The following KCNN3 variants were observed in gnomAD, a reference collection of about 807,000 sequenced individuals.
KCNN3 encodes the protein small conductance calcium-activated potassium channel protein 3.
In KCNN3, 16 loss-of-function variants were observed where a neutral mutation model predicts 62.9. The ratio of observed to expected loss-of-function variants is 0.25; its 90% CI spans 0.17 to 0.39. The LOEUF (loss-of-function observed/expected upper bound fraction) is 0.39. Among genes scored for constraint, KCNN3 ranks in the 10% least tolerant of loss-of-function variants. KCNN3 has a pLI of 1.00. For missense variants in KCNN3, 599 were observed against 949.4 expected (o/e 0.63, Z 4.85); for synonymous variants, 370 against 389.2 (o/e 0.95, Z 0.58).
At chr1:154,785,582 T>C (rs865888078) in intron 2 of KCNN3, among the ~76,000 whole-genome samples, 5,313 of 141,386 alleles carry the variant, frequency 0.038, 146 homozygotes, top group African/African-American at 0.059. Context: ...CTTTTTTTTT[T>C]TTTTTTTTTT....
At chr1:154,863,664 T>A (rs1291518446) in intron 1 of KCNN3, among the ~76,000 whole-genome samples, 2 of 152,212 alleles carry the variant, frequency 1.3e-5, no homozygotes, top group Non-Finnish European at 2.9e-5. Context: ...TACCTTATAT[T>A]TTTTTAAAGC....
intron 5 of KCNN3, among the ~76,000 whole-genome samples, chr1:154,723,114 C>A (rs1328980474): frequency 6.6e-6 from 1 of 152,172 alleles, no homozygotes; most frequent in Non-Finnish European, 1.5e-5. Context: ...CAGGCATCCC[C>A]AGGGGAAGAG....
intron 3 of KCNN3, among the ~76,000 whole-genome samples, chr1:154,734,531 A>G (rs1337404637): frequency 6.6e-6 from 1 of 152,216 alleles, no homozygotes; most frequent in African/African-American, 2.4e-5. Flanking sequence ...ATGCCCCCAC[A>G]GGGTCTGTGC....
chr1:154,803,503 T>C (rs1452992198), intron 2 of KCNN3, among the ~76,000 whole-genome samples: 1 of 152,242 alleles, frequency 6.6e-6, no homozygotes, highest in Non-Finnish European at 1.5e-5. Flanking sequence ...TTGAGACAGT[T>C]GTTTTTCTTC....
intron 3 of KCNN3, among the ~76,000 whole-genome samples, chr1:154,769,956 T>C (rs991105590): frequency 2.6e-5 from 4 of 152,230 alleles, no homozygotes; most frequent in African/African-American, 9.6e-5. Flanking sequence ...ATAAATCCTG[T>C]GTCCAGCTTT....
At chr1:154,788,681 G>A (rs949783140) in intron 2 of KCNN3, among the ~76,000 whole-genome samples, 9 of 152,108 alleles carry the variant, frequency 5.9e-5, no homozygotes, top group African/African-American at 2.2e-4. Context: ...CGCCAAACCC[G>A]TCAGCATCCA....
intron 1 of KCNN3, chr1:154,867,883 G>T: frequency 1.1e-6 from 1 of 921,394 alleles, no homozygotes; most frequent in Non-Finnish European, 1.3e-6. Context: ...CGATTCCCAG[G>T]TCTCCAAGCC....
intron 4 of KCNN3, among the ~76,000 whole-genome samples, chr1:154,726,833 C>T (rs981123535): frequency 1.2e-4 from 19 of 152,086 alleles, no homozygotes; most frequent in Admixed American, 3.3e-4. Flanking sequence ...CTAGTCTGCT[C>T]GGTAGGTCCG....
At chr1:154,796,986 G>T (rs1229516155) in intron 2 of KCNN3, among the ~76,000 whole-genome samples, 1 of 152,218 alleles carries the variant, frequency 6.6e-6, no homozygotes, top group Non-Finnish European at 1.5e-5. Context: ...GGACATGGGG[G>T]TGATCTGCTT....
intron 4 of KCNN3, among the ~76,000 whole-genome samples, chr1:154,727,833 C>T (rs1700502777): frequency 6.6e-6 from 1 of 152,214 alleles, no homozygotes; most frequent in South Asian, 2.1e-4. Context: ...TGTGTGCTCC[C>T]TTCCCCTCGA....
chr1:154,865,684 A>G (rs1652923776), intron 1 of KCNN3, among the ~76,000 whole-genome samples: 1 of 152,120 alleles, frequency 6.6e-6, no homozygotes, highest in Admixed American at 6.5e-5. Flanking sequence ...CTCCTTTTCA[A>G]AAGACCCAGG....
In KCNN3 at chr1:154,863,647, C is replaced by CTT. The variant is rs1652851526; in HGVS notation, c.933+5383_933+5384dup. ...TTACTCAAATTTCTTTTCATTTTGA[C>CTT]TTTCTTTACCTTATATTTTTTTAAA... On this transcript the variant is annotated intron_variant, in intron 1 of 7. Transcript: ENST00000271915. 2.6e-5 allele frequency among the ~76,000 whole-genome samples: 4 copies of CTT among 152,018 alleles called. No homozygotes were observed. The South Asian group carries it at 8.3e-4, about 32-fold the overall frequency.
intron 5 of KCNN3, among the ~76,000 whole-genome samples, chr1:154,722,548 C>G (rs566016226): frequency 6.6e-6 from 1 of 151,580 alleles, no homozygotes; most frequent in East Asian, 2.0e-4. Flanking sequence ...CCACTACGCC[C>G]GGCTAATTTT....
chr1:154,807,108 C>T (rs1650203808), intron 2 of KCNN3, among the ~76,000 whole-genome samples: 1 of 152,120 alleles, frequency 6.6e-6, no homozygotes, highest in African/African-American at 2.4e-5. Flanking sequence ...CATACACATG[C>T]AGTCAACCCG....
chr1:154,845,471 C>T (rs1369666210), intron 1 of KCNN3, among the ~76,000 whole-genome samples: 2 of 152,204 alleles, frequency 1.3e-5, no homozygotes, highest in Admixed American at 6.5e-5. Context: ...GAGAGTGACT[C>T]CTACACCCCC....
At position 154,712,262 on chromosome 1, in the gene KCNN3, C is replaced by T. The variant is rs148972456; in HGVS notation, c.1899+1202G>A. Among the ~76,000 whole-genome samples the T allele has an allele frequency of 9.7e-4, 148 of 152,254 alleles. 2 individuals are homozygous for T. The highest frequency in any genetic ancestry group is 3.5e-3 in the African/African-American group (145 of 41,534). ...ATTTCTCCATTTTTAAACCTAGTCC[C>T]AGCGGGTTTCTGATATTAAAACCAA... On this transcript the variant is annotated intron_variant, in intron 7 of 7. Transcript: ENST00000271915.
At chr1:154,764,393 A>T (rs1002570450) in intron 3 of KCNN3, among the ~76,000 whole-genome samples, 17 of 152,286 alleles carry the variant, frequency 1.1e-4, no homozygotes, top group Admixed American at 9.2e-4. Context: ...CCTGAGGCAC[A>T]TCGCTCAACC....
chr1:154,788,525 G>A (rs868830564), intron 2 of KCNN3, among the ~76,000 whole-genome samples: 2 of 152,310 alleles, frequency 1.3e-5, no homozygotes, highest in South Asian at 2.1e-4. Flanking sequence ...AATGCAGGGT[G>A]TGAGGCATTC....
At chr1:154,783,747 G>A (rs1306134903) in intron 2 of KCNN3, among the ~76,000 whole-genome samples, 1 of 152,194 alleles carries the variant, frequency 6.6e-6, no homozygotes, top group East Asian at 1.9e-4. Flanking sequence ...CCCATGAGAG[G>A]GGGAGGCCGG....
Sources: gnomAD v4.1 joint callset for allele counts (sites outside exome capture counted in the v4.1 genomes callset) on GRCh38, gnomAD v4.1.1 for gene constraint, MANE v1.5 for transcripts, NCBI Gene and HGNC (gene_info 2026-07-23, HGNC 2026-07-21) for gene names.